Variants in PUM2 observed in about 807,000 individuals in gnomAD.
The protein encoded by PUM2 is pumilio RNA binding family member 2.
A neutral mutation model predicts 124.5 loss-of-function variants in PUM2; 57 were observed. The observed-to-expected ratio is 0.46, with a 90% confidence interval of 0.37 to 0.57. The LOEUF (loss-of-function observed/expected upper bound fraction) is 0.57. PUM2 is among the 20% of genes least tolerant of loss of function. The pLI is 0.00. For missense variants in PUM2, 1,065 were observed against 1,290.6 expected, an observed-to-expected ratio of 0.83 and a Z score of 2.68; for synonymous variants, 460 against 446.1, an observed-to-expected ratio of 1.03 and a Z score of -0.39.
intron 2 of PUM2, among the ~76,000 whole-genome samples, chr2:20,325,270 A>C (rs1279803315): frequency 6.6e-6 from 1 of 152,164 alleles, no homozygotes; most frequent in Non-Finnish European, 1.5e-5. Context: ...CTTAAAATAT[A>C]TTTTTACTGG....
rs1673847104 is a variant in PUM2 at position 20,290,727 on chromosome 2, C to T, written c.1216G>A (p.Ala406Thr). The change falls in exon 10 of 21, where the codon GCA (alanine) becomes ACA (threonine). Residue 406 changes from alanine (A) to threonine (T), a missense_variant. This residue lies in a region of PUM2 where 968 missense variants were observed against 1,159.8 expected (regional missense o/e 0.83). Coordinates refer to ENST00000361078, the MANE Select transcript of PUM2 (RefSeq NM_015317.5). The stretch of plus-strand genomic sequence containing the variant: ...GCTGCAGCTGCCGCAAGTGATTCTG[C>T]TTGCTGCCCTTGCTGACCCTGATTG... ...TPNQGQQGQQ[A>T]ESLAAAAAAN... The T allele has an allele frequency of 6.2e-7, 1 of 1,613,486 alleles. No individual in the cohort carries two copies. The highest frequency in any genetic ancestry group is 1.3e-5 in the African/African-American group (1 of 74,926).
chr2:20,258,650 C>CTTTATTT, intron 15 of PUM2, among the ~76,000 whole-genome samples: 1 of 93,842 alleles, frequency 1.1e-5, no homozygotes, highest in Non-Finnish European at 2.0e-5. Context: ...AACCCTTCAT[C>CTTTATTT]TTTTTTTTTT....
At chr2:20,318,405 C>CA in intron 3 of PUM2, 132 bp downstream of exon 3, 1 of 707,748 alleles carries the variant, frequency 1.4e-6, no homozygotes, top group South Asian at 2.1e-5. Context: ...TATTTGAGAC[C>CA]AGCCTGGGCA....
chr2:20,349,751 C>A (rs954608872), intron 1 of PUM2, among the ~76,000 whole-genome samples: 11 of 152,204 alleles, frequency 7.2e-5, no homozygotes, highest in Non-Finnish European at 8.8e-5. Flanking sequence ...AAAACATCTG[C>A]CCCGTTTTCT....
intron 3 of PUM2, among the ~76,000 whole-genome samples, chr2:20,313,835 CAAAAAAAAAAAAAAA>C (rs35569645): frequency 3.6e-5 from 2 of 55,028 alleles, no homozygotes; most frequent in Non-Finnish European, 7.1e-5. Flanking sequence ...GATCCTGTCT[CAAAAAAAAAAAAAAA>C]AAAAAAAAAA....
Position 20,312,275 on chromosome 2 carries a change from A to T in PUM2, c.309T>A (p.Pro103=). 6.2e-7 allele frequency: 1 copy of T among 1,609,314 alleles called. No homozygotes were observed. Among genetic ancestry groups the T allele is most frequent in the South Asian group, 1.1e-5 (1 of 89,758 alleles). Reference sequence around the variant, plus strand: ...TAAATCGAGAATCCAATTTATCAGCAGGAGAAGAACTTAATACATATTCTA... The same window carrying T: ...TAAATCGAGAATCCAATTTATCAGCTGGAGAAGAACTTAATACATATTCTA... ...SMVEYVLSSS[P]ADKLDSRFRK... The change falls in exon 4 of 21, where the codon CCT becomes CCA. Residue 103 remains proline (P), a synonymous_variant. Transcript: ENST00000361078.
At chr2:20,320,613 T>C (rs1252227706) in intron 2 of PUM2, among the ~76,000 whole-genome samples, 1 of 152,118 alleles carries the variant, frequency 6.6e-6, no homozygotes, top group Non-Finnish European at 1.5e-5. Context: ...AAAAAGTTTT[T>C]AAATGCTAGG....
At chr2:20,343,310 C>T (rs1226376188) in intron 1 of PUM2, among the ~76,000 whole-genome samples, 2 of 152,086 alleles carry the variant, frequency 1.3e-5, no homozygotes, top group Non-Finnish European at 2.9e-5. Context: ...GGAAGGATCA[C>T]TAGAGCGAGG....
chr2:20,269,036 A>G (rs916335166), intron 13 of PUM2, among the ~76,000 whole-genome samples: 1 of 152,130 alleles, frequency 6.6e-6, no homozygotes, highest in African/African-American at 2.4e-5. Context: ...GCTAATAATT[A>G]GGCTGAATTT....
intron 8 of PUM2, among the ~76,000 whole-genome samples, chr2:20,296,037 T>C (rs529405684): frequency 1.5e-4 from 23 of 152,314 alleles, no homozygotes; most frequent in South Asian, 6.2e-4. Context: ...ACACTTTACA[T>C]AGTAACATCC....
chr2:20,262,725 G>GT (rs1194874424), intron 14 of PUM2, among the ~76,000 whole-genome samples: 1 of 152,158 alleles, frequency 6.6e-6, no homozygotes, highest in Non-Finnish European at 1.5e-5. Context: ...TAATTCAGAT[G>GT]TATCTCTCAT....
chr2:20,309,794 A>C (rs1183269282), intron 5 of PUM2, among the ~76,000 whole-genome samples: 2 of 152,150 alleles, frequency 1.3e-5, no homozygotes, highest in Non-Finnish European at 2.9e-5. Flanking sequence ...ATTTGCTAAC[A>C]TATAGAGTAG....
Position 20,341,457 on chromosome 2 carries a change from T to C in PUM2, c.-19+9140A>G, listed in dbSNP as rs115415808. Among the ~76,000 whole-genome samples, 237 of 152,340 alleles carry C rather than the reference T, an allele frequency of 1.6e-3. 1 individual carries two copies. The highest frequency in any genetic ancestry group is 5.5e-3 in the African/African-American group (228 of 41,574). On this transcript the variant is annotated intron_variant, in intron 1 of 20. Coordinates refer to ENST00000361078, the MANE Select transcript of PUM2 (RefSeq NM_015317.5). ...ACAAAGTTGCCTAATGTGTATCATA[T>C]GATCCAATTTTTGTTCAAAAAAGGA... is the stretch of plus-strand genomic sequence containing the variant.
At chr2:20,319,083 T>C (rs1681689888) in intron 2 of PUM2, among the ~76,000 whole-genome samples, 3 of 152,330 alleles carry the variant, frequency 2.0e-5, no homozygotes, top group South Asian at 4.1e-4. Context: ...AGTTATTCAA[T>C]GGAAGTGAAA....
intron 7 of PUM2, among the ~76,000 whole-genome samples, chr2:20,305,709 T>C (rs541925662): frequency 6.6e-6 from 1 of 152,248 alleles, no homozygotes; most frequent in Admixed American, 6.5e-5. Context: ...AAAATATCAT[T>C]CATGAAATCT....
At chr2:20,261,234 T>C (rs1020259872) in intron 14 of PUM2, among the ~76,000 whole-genome samples, 1 of 151,072 alleles carries the variant, frequency 6.6e-6, no homozygotes, top group African/African-American at 2.4e-5. Flanking sequence ...CTACCAAAAA[T>C]ATAAAAATTA....
chr2:20,278,428 G>A (rs1342304397), intron 13 of PUM2, among the ~76,000 whole-genome samples, 155 bp downstream of exon 13: 1 of 152,050 alleles, frequency 6.6e-6, no homozygotes, highest in Non-Finnish European at 1.5e-5. Context: ...GAATTTTCAG[G>A]AAAGTAGAAC....
At chr2:20,309,289 A>C (rs1033603163) in intron 5 of PUM2, among the ~76,000 whole-genome samples, 2 of 151,758 alleles carry the variant, frequency 1.3e-5, no homozygotes, top group Non-Finnish European at 2.9e-5. Flanking sequence ...GCAACTATTT[A>C]TGAAAGCCCA....
At chr2:20,292,979 A>G (rs1050414305) in intron 9 of PUM2, among the ~76,000 whole-genome samples, 1 of 152,204 alleles carries the variant, frequency 6.6e-6, no homozygotes, top group Non-Finnish European at 1.5e-5. Flanking sequence ...GAAAAAGGAA[A>G]TACGGAAAGA....
Sources: allele counts gnomAD v4.1 joint callset (sites outside exome capture counted in the v4.1 genomes callset), GRCh38; gene constraint gnomAD v4.1.1; regional missense constraint gnomAD v4.1.1; transcripts MANE v1.5; gene names NCBI Gene and HGNC (gene_info 2026-07-23, HGNC 2026-07-21).